Variants in TDRD9 observed in about 807,000 individuals in gnomAD.
The protein encoded by TDRD9 is tudor domain containing 9.
In TDRD9, 124 loss-of-function variants were observed where a neutral mutation model predicts 172.6. The ratio of observed to expected loss-of-function variants is 0.72; its 90% CI spans 0.62 to 0.83. The LOEUF (loss-of-function observed/expected upper bound fraction) is 0.83, where lower values mean the gene tolerates loss of function less well. TDRD9 is among the 40% of genes least tolerant of loss of function. The probability of loss-of-function intolerance (pLI) is 0.00; values close to 1 mark genes in which losing one functional copy is unlikely to be tolerated. For synonymous variants in TDRD9, 619 were observed against 617.1 expected (o/e 1.00, Z -0.05); for missense variants, 1,479 against 1,714.1 (o/e 0.86, Z 2.42).
At chr14:103,956,194 C>T (rs2032234254) in intron 2 of TDRD9, among the ~76,000 whole-genome samples, 1 of 131,400 alleles carries the variant, frequency 7.6e-6, no homozygotes, top group East Asian at 2.2e-4. Context: ...AATCCCAGCA[C>T]TTTGGGAGGC....
intron 1 of TDRD9, among the ~76,000 whole-genome samples, chr14:103,930,615 A>G (rs1360325225): frequency 1.3e-5 from 2 of 152,096 alleles, no homozygotes; most frequent in Non-Finnish European, 1.5e-5. Flanking sequence ...GATCTTTGGT[A>G]AATTTGGTTC....
chr14:104,005,580 C>T (rs1163696462), intron 15 of TDRD9, among the ~76,000 whole-genome samples, 175 bp downstream of exon 15: 1 of 151,556 alleles, frequency 6.6e-6, no homozygotes, highest in Admixed American at 6.6e-5. Context: ...GCCTCACTTT[C>T]CCGCTAACTC....
intron 7 of TDRD9, among the ~76,000 whole-genome samples, chr14:103,976,933 T>C (rs984541337): frequency 1.3e-5 from 2 of 151,842 alleles, no homozygotes; most frequent in African/African-American, 4.8e-5. Flanking sequence ...CATAGTTCAC[T>C]GAAACCTTGA....
At chr14:104,003,932 C>G (rs2034346553) in intron 13 of TDRD9, among the ~76,000 whole-genome samples, 1 of 151,748 alleles carries the variant, frequency 6.6e-6, no homozygotes, top group African/African-American at 2.4e-5. Flanking sequence ...GCATATTGGG[C>G]CAAGGTTGTT....
Position 104,014,853 on chromosome 14 carries a change from T to A in TDRD9, c.2223+12T>A. 2.0e-6 allele frequency: 3 copies of A among 1,481,852 alleles called. No individual in the cohort carries two copies. In the Middle Eastern group the frequency reaches 5.2e-4, roughly 257 times the overall value. 91.8% of individuals were successfully genotyped at this position (1,481,852 alleles called of 1,614,324 possible). On this transcript the variant is annotated intron_variant, in intron 21 of 35. Transcript: ENST00000409874. ...GATTCATCCTACAGGTGTGCTGAAG[T>A]TTCCTGGATATTTTTTTTCCTGATT... is the stretch of plus-strand genomic sequence containing the variant.
chr14:103,993,935 C>T (rs2033964725), intron 9 of TDRD9, among the ~76,000 whole-genome samples: 1 of 152,152 alleles, frequency 6.6e-6, no homozygotes, highest in Non-Finnish European at 1.5e-5. Flanking sequence ...GGACGGAGGC[C>T]TGATGGAAAT....
chr14:103,970,302 C>T (rs772829106), intron 5 of TDRD9, among the ~76,000 whole-genome samples: 7 of 152,100 alleles, frequency 4.6e-5, no homozygotes, highest in Non-Finnish European at 7.4e-5. Flanking sequence ...ATTACTCTGC[C>T]GTCTCTCAGG....
intron 34 of TDRD9, among the ~76,000 whole-genome samples, chr14:104,046,654 C>CTT (rs143594477): frequency 2.7e-5 from 4 of 150,494 alleles, no homozygotes; most frequent in South Asian, 2.1e-4. Context: ...TTTTCTTTTT[C>CTT]TTTTTTTTTG....
In TDRD9 at chr14:103,928,714, G is replaced by C. The variant is rs772872440; in HGVS notation, c.205G>C (p.Ala69Pro). ...LAQAPARPAA[A>P]FERSLSQRSS... ...CCAAGCTCCGGCCCGGCCGGCCGCT[G>C]CGTTCGAAAGGTAGGACGCGGGCGG... is the stretch of plus-strand genomic sequence containing the variant. The change falls in exon 1 of 36, where the codon GCG becomes CCG. Residue 69 changes from alanine to proline, a missense_variant. Transcript: ENST00000409874. The C allele has an allele frequency of 3.4e-6, 4 of 1,169,942 alleles. No homozygotes were observed. The allele number at this position is 1,169,942 out of a possible 1,614,324, so 72.5% of individuals were successfully genotyped here. A position where few individuals can be genotyped will look rare whatever the true frequency, so the allele number is the denominator to read the frequency against.
intron 34 of TDRD9, among the ~76,000 whole-genome samples, chr14:104,043,884 T>C (rs1278017561): frequency 6.6e-6 from 1 of 152,204 alleles, no homozygotes; most frequent in Non-Finnish European, 1.5e-5. Flanking sequence ...ATCCCCTCTC[T>C]GCTGTCTGAG....
At chr14:103,966,529 G>A (rs1046692139) in intron 4 of TDRD9, among the ~76,000 whole-genome samples, 180 bp from the exon 5 acceptor site, 2 of 151,852 alleles carry the variant, frequency 1.3e-5, no homozygotes, top group Non-Finnish European at 1.5e-5. Flanking sequence ...AACCCCTGCC[G>A]CCCTCCCCCC....
intron 6 of TDRD9, among the ~76,000 whole-genome samples, chr14:103,974,333 C>T (rs2033151775): frequency 6.6e-6 from 1 of 152,220 alleles, no homozygotes; most frequent in East Asian, 1.9e-4. Flanking sequence ...GACTGCTGAG[C>T]TGGGAGACCC....
intron 13 of TDRD9, among the ~76,000 whole-genome samples, chr14:104,001,434 A>G (rs1457054977): frequency 6.6e-6 from 1 of 152,098 alleles, no homozygotes; most frequent in East Asian, 1.9e-4. Context: ...ACTAAGTAGT[A>G]CTCCACTGAA....
chr14:103,950,595 T>C (rs1242446738), intron 1 of TDRD9, among the ~76,000 whole-genome samples: 2 of 152,232 alleles, frequency 1.3e-5, no homozygotes, highest in Non-Finnish European at 2.9e-5. Flanking sequence ...GATATGGAAA[T>C]GTGACATTTG....
At chr14:103,954,389 A>G (rs2032092943) in intron 1 of TDRD9, among the ~76,000 whole-genome samples, 1 of 152,220 alleles carries the variant, frequency 6.6e-6, no homozygotes, top group South Asian at 2.1e-4. Flanking sequence ...TGTCTCCTTC[A>G]CAAGAATGGT....
chr14:103,968,307 C>T lies in TDRD9; in HGVS notation c.765+1476C>T, dbSNP rs142921178. On this transcript the variant is annotated intron_variant, in intron 5 of 35. Coordinates refer to ENST00000409874, the MANE Select transcript of TDRD9 (RefSeq NM_153046.3). ...TGCGGTGTCAGCACCTTGTAGATGC[C>T]CCAGGGATTATTTGCTTCATAAATG... is the stretch of plus-strand genomic sequence containing the variant. 1.7e-3 allele frequency among the ~76,000 whole-genome samples: 253 copies of T among 152,288 alleles called. 2 individuals carry two copies. The highest frequency in any genetic ancestry group is 5.9e-3 in the African/African-American group (247 of 41,556).
chr14:104,019,465 G>T, intron 23 of TDRD9, among the ~76,000 whole-genome samples: 1 of 152,046 alleles, frequency 6.6e-6, no homozygotes. Flanking sequence ...CATTGCCTGG[G>T]ACCTTTTTTA....
At chr14:104,011,209 G>A (rs546643441) in intron 20 of TDRD9, among the ~76,000 whole-genome samples, 69 of 152,272 alleles carry the variant, frequency 4.5e-4, no homozygotes, top group African/African-American at 1.5e-3. Flanking sequence ...ACCCAGCCAC[G>A]TGTTCTTAGA....
At chr14:103,989,805 CTG>C (rs1392162303) in intron 8 of TDRD9, among the ~76,000 whole-genome samples, 1 of 152,228 alleles carries the variant, frequency 6.6e-6, no homozygotes, top group Non-Finnish European at 1.5e-5. Flanking sequence ...CCTGTCCACT[CTG>C]TGCGTTTTCC....
Sources: allele counts gnomAD v4.1 joint callset (sites outside exome capture counted in the v4.1 genomes callset), GRCh38; gene constraint gnomAD v4.1.1; transcripts MANE v1.5; gene names NCBI Gene and HGNC (gene_info 2026-07-23, HGNC 2026-07-21).